The following THSD4 variants were observed in gnomAD, a reference collection of about 807,000 sequenced individuals.
The protein encoded by THSD4 is thrombospondin type 1 domain containing 4.
THSD4 carries 69 observed loss-of-function variants against 119.0 expected under a neutral mutation model. The observed-to-expected ratio is 0.58, with a 90% CI of 0.48 to 0.71. The LOEUF is 0.71. Among genes scored for constraint, THSD4 ranks in the 30% least tolerant of loss-of-function variants. The pLI, the probability that THSD4 is intolerant of heterozygous loss-of-function variation, is 0.00. For synonymous variants in THSD4, 524 were observed against 540.4 expected (o/e 0.97, Z 0.42); for missense variants, 1,393 against 1,391.1 (o/e 1.00, Z -0.02).
chr15:71,598,506 C>T (rs938055191), intron 7 of THSD4, among the ~76,000 whole-genome samples: 1 of 152,232 alleles, frequency 6.6e-6, no homozygotes, highest in Non-Finnish European at 1.5e-5. Context: ...AAGGGTCCAC[C>T]GTTTTGCAGA....
intron 7 of THSD4, among the ~76,000 whole-genome samples, chr15:71,618,361 T>G (rs80312683): frequency 0.15 from 22,141 of 152,202 alleles, 1,994 homozygotes; most frequent in Middle Eastern, 0.23. Context: ...TAACAGCAGT[T>G]AAAACGACTA....
intron 7 of THSD4, among the ~76,000 whole-genome samples, chr15:71,582,628 T>G (rs191073382): frequency 1.3e-5 from 2 of 152,278 alleles, no homozygotes; most frequent in East Asian, 3.9e-4. Flanking sequence ...TTGCCATATA[T>G]AGCCATATTA....
At chr15:71,273,357 G>T (rs2044555115) in intron 6 of THSD4, among the ~76,000 whole-genome samples, 1 of 152,200 alleles carries the variant, frequency 6.6e-6, no homozygotes. Context: ...CAGAAGAAGA[G>T]AGTAGAATGG....
intron 7 of THSD4, among the ~76,000 whole-genome samples, chr15:71,553,105 G>A (rs916782979): frequency 1.3e-5 from 2 of 152,106 alleles, no homozygotes; most frequent in African/African-American, 4.8e-5. Flanking sequence ...AACCATTCTT[G>A]TACATTTATA....
chr15:71,675,049 A>G (rs1224745880), intron 8 of THSD4, among the ~76,000 whole-genome samples: 3 of 152,064 alleles, frequency 2.0e-5, no homozygotes, highest in African/African-American at 7.2e-5. Flanking sequence ...TCATCAGCTC[A>G]CTCTGAATCC....
At chr15:71,237,526 TC>T (rs1262967457) in intron 4 of THSD4, among the ~76,000 whole-genome samples, 2 of 152,138 alleles carry the variant, frequency 1.3e-5, no homozygotes, top group East Asian at 3.9e-4. Flanking sequence ...CAAAGTGCAG[TC>T]CCAGGACCCA....
chr15:71,391,148 A>G (rs1050869129), intron 6 of THSD4, among the ~76,000 whole-genome samples: 1 of 150,652 alleles, frequency 6.6e-6, no homozygotes, highest in African/African-American at 2.4e-5. Context: ...CCTGCCTCAG[A>G]CTCCAGAGTA....
intron 10 of THSD4, among the ~76,000 whole-genome samples, chr15:71,735,776 GTC>G (rs1189310835): frequency 2.1e-4 from 28 of 130,688 alleles, no homozygotes; most frequent in Admixed American, 5.3e-4. Flanking sequence ...CTTCTTCTCT[GTC>G]TCTGTCTCTC....
At chr15:71,611,348 T>C (rs1265578093) in intron 7 of THSD4, among the ~76,000 whole-genome samples, 1 of 152,226 alleles carries the variant, frequency 6.6e-6, no homozygotes, top group East Asian at 1.9e-4. Context: ...AATGCCATTT[T>C]CCTTCTAGAA....
chr15:71,114,614 C>T (rs7182092), upstream of THSD4, among the ~76,000 whole-genome samples: 22,596 of 152,112 alleles, frequency 0.15, 2,442 homozygotes, highest in African/African-American at 0.31. Context: ...GGGGCCCTAG[C>T]AATTTTCCCT....
At chr15:71,592,596 A>G (rs1230992981) in intron 7 of THSD4, among the ~76,000 whole-genome samples, 2 of 151,996 alleles carry the variant, frequency 1.3e-5, no homozygotes, top group African/African-American at 4.8e-5. Flanking sequence ...AGACCTGTCT[A>G]TAAAAGTGAA....
At chr15:71,174,170 C>A (rs2043415339) in intron 3 of THSD4, among the ~76,000 whole-genome samples, 1 of 152,130 alleles carries the variant, frequency 6.6e-6, no homozygotes. Context: ...AGGAACAGCT[C>A]CGGTCTACAG....
intron 7 of THSD4, among the ~76,000 whole-genome samples, chr15:71,613,418 G>A (rs1281121015): frequency 3.9e-5 from 6 of 152,004 alleles, no homozygotes; most frequent in East Asian, 1.9e-4. Context: ...ACCACTTTAC[G>A]AAACCCTGAT....
intron 8 of THSD4, among the ~76,000 whole-genome samples, chr15:71,662,965 A>AGGGGC (rs2051339369): frequency 6.6e-6 from 1 of 152,020 alleles, no homozygotes; most frequent in Admixed American, 6.6e-5. Context: ...GGAGTCAGTG[A>AGGGGC]GGGGCGGGCA....
At chr15:71,542,463 G>A (rs933739184) in intron 7 of THSD4, among the ~76,000 whole-genome samples, 1 of 152,128 alleles carries the variant, frequency 6.6e-6, no homozygotes, top group African/African-American at 2.4e-5. Flanking sequence ...AACATCATCA[G>A]TGGTAAGTCA....
At chr15:71,397,786 C>G (rs1394965665) in intron 6 of THSD4, among the ~76,000 whole-genome samples, 1 of 152,140 alleles carries the variant, frequency 6.6e-6, no homozygotes, top group Non-Finnish European at 1.5e-5. Context: ...CCTCTCTGAG[C>G]CAAAGGTTTC....
At chr15:71,108,346 T>C (rs2040282733) in intron 1 of THSD4, among the ~76,000 whole-genome samples, 1 of 152,250 alleles carries the variant, frequency 6.6e-6, no homozygotes, top group Non-Finnish European at 1.5e-5. Context: ...GGGCTAAGCT[T>C]TGGGACAAGC....
At chr15:71,122,709 T>C (rs4777331) in intron 1 of THSD4, among the ~76,000 whole-genome samples, 130,284 of 152,244 alleles carry the variant, frequency 0.86, 57,479 homozygotes, top group East Asian at 1. Flanking sequence ...ATGATGCTTT[T>C]CATCATTTTG....
At chr15:71,492,240 G>T (rs568984144) in intron 7 of THSD4, among the ~76,000 whole-genome samples, 2 of 151,682 alleles carry the variant, frequency 1.3e-5, no homozygotes. Flanking sequence ...GCTGTTCCTC[G>T]TCTTAGGTTT....
Sources: allele counts gnomAD v4.1 joint callset (sites outside exome capture counted in the v4.1 genomes callset), GRCh38; gene constraint gnomAD v4.1.1; transcripts MANE v1.5; gene names NCBI Gene and HGNC (gene_info 2026-07-23, HGNC 2026-07-21).